ADCY9: variants seen among roughly 807,000 people sequenced by gnomAD.
ADCY9 encodes adenylate cyclase 9, also known as adenylate cyclase type 9.
A neutral mutation model predicts 101.5 loss-of-function variants in ADCY9; 50 were observed. The ratio of observed to expected loss-of-function variants is 0.49; its 90% CI spans 0.39 to 0.62. ADCY9 has a LOEUF of 0.62. Ranked by LOEUF, ADCY9 falls within the 20% of genes least tolerant of loss-of-function variation. The probability of loss-of-function intolerance (pLI) is 0.00; values close to 1 mark genes in which losing one functional copy is unlikely to be tolerated. For missense variants in ADCY9, 1,662 were observed against 1,800.4 expected (o/e 0.92, Z 1.39); for synonymous variants, 905 against 769.3 (o/e 1.18, Z -2.92).
intron 6 of ADCY9, among the ~76,000 whole-genome samples, chr16:3,984,515 G>A (rs2056173964): frequency 1.3e-5 from 2 of 152,180 alleles, no homozygotes; most frequent in Admixed American, 6.5e-5. Context: ...GCACCCCACA[G>A]GCAGGAACTA....
intron 6 of ADCY9, among the ~76,000 whole-genome samples, chr16:3,985,938 C>T (rs747761227): frequency 2.0e-5 from 3 of 149,508 alleles, no homozygotes; most frequent in Non-Finnish European, 1.5e-5. Context: ...CTGAGAACGA[C>T]GCTCCCCCAC....
At chr16:4,057,045 C>T (rs924216331) in intron 2 of ADCY9, among the ~76,000 whole-genome samples, 2 of 130,802 alleles carry the variant, frequency 1.5e-5, no homozygotes, top group Admixed American at 7.6e-5. Flanking sequence ...ACCGCCCCCC[C>T]CCCCCCCGCC....
At chr16:4,029,756 A>G (rs1309216287) in intron 2 of ADCY9, among the ~76,000 whole-genome samples, 1 of 151,988 alleles carries the variant, frequency 6.6e-6, no homozygotes, top group Non-Finnish European at 1.5e-5. Context: ...AGACAATACA[A>G]AACAAAACAA....
rs182875443 is a variant in ADCY9, at chr16:3,973,932, G to A, written c.2870+737C>T. On this transcript the variant is annotated intron_variant, in intron 10 of 10. Coordinates refer to ENST00000294016, the MANE Select transcript of ADCY9 (RefSeq NM_001116.4). Reference sequence around the variant, plus strand: ...AAACTATTGAATTTTACTTTTTCTAGATTTTATATAGTTTAATTTTTATTT... The same window carrying A: ...AAACTATTGAATTTTACTTTTTCTAAATTTTATATAGTTTAATTTTTATTT... Among the ~76,000 whole-genome samples the A allele has an allele frequency of 1.5e-3, 228 of 152,230 alleles. 2 individuals are homozygous for A. The highest frequency in any genetic ancestry group is 5.4e-3 in the African/African-American group (224 of 41,522).
chr16:4,087,562 AAG>A (rs1423160245), intron 2 of ADCY9, among the ~76,000 whole-genome samples: 1 of 146,430 alleles, frequency 6.8e-6, no homozygotes, highest in Non-Finnish European at 1.5e-5. Flanking sequence ...AAAAAAAAAA[AAG>A]AAGAACAACA....
At position 4,114,026 on chromosome 16, in the gene ADCY9, T is replaced by A. The variant is rs1422823034; in HGVS notation, c.1417A>T (p.Ile473Phe). 1 of 1,613,782 alleles carries A rather than the reference T, an allele frequency of 6.2e-7. No homozygotes were observed. Among genetic ancestry groups the A allele is most frequent in the Non-Finnish European group, 8.5e-7 (1 of 1,180,054 alleles). ...TTCTTCTCCTGGCAGAACTGCTCGATGGCCTTGATCATGCCCAGGCCCATC... is the reference window on the plus strand; with the variant it reads ...TTCTTCTCCTGGCAGAACTGCTCGAAGGCCTTGATCATGCCCAGGCCCATC... ...IEMGLGMIKA[I>F]EQFCQEKKEM... is the part of the protein sequence containing the mutation. The change falls in exon 2 of 11, where the codon ATC becomes TTC. Residue 473 changes from isoleucine (I) to phenylalanine (F), a missense_variant. Transcript: ENST00000294016. This position sits in a 1 kb window ranked among gnomAD's most constrained non-coding sequence, Gnocchi z 4.3.
At chr16:4,089,415 G>A (rs967645213) in intron 2 of ADCY9, among the ~76,000 whole-genome samples, 2 of 152,048 alleles carry the variant, frequency 1.3e-5, no homozygotes, top group East Asian at 1.9e-4. Context: ...TGAATCGTAT[G>A]CTATCCTACA....
At chr16:4,099,442 T>C (rs1343295623) in intron 2 of ADCY9, among the ~76,000 whole-genome samples, 1 of 152,206 alleles carries the variant, frequency 6.6e-6, no homozygotes, top group East Asian at 1.9e-4. Context: ...CATTTTCTTT[T>C]CAAAAAAGAT....
intron 2 of ADCY9, among the ~76,000 whole-genome samples, chr16:4,042,115 G>C (rs1178293782): frequency 6.6e-6 from 1 of 151,800 alleles, no homozygotes; most frequent in East Asian, 1.9e-4. Context: ...GCAGAGACGG[G>C]GGTTTCACCA....
At chr16:4,004,251 T>TAA (rs71133681) in intron 3 of ADCY9, among the ~76,000 whole-genome samples, 9,604 of 107,588 alleles carry the variant, frequency 0.089, 526 homozygotes, top group East Asian at 0.15. Context: ...CCCATCTCTT[T>TAA]AAAAAAAAAA....
At chr16:3,979,696 T>C (rs1187056601) in intron 7 of ADCY9, among the ~76,000 whole-genome samples, 1 of 152,132 alleles carries the variant, frequency 6.6e-6, no homozygotes, top group Non-Finnish European at 1.5e-5. Context: ...GCCCGTGCAG[T>C]TGTCGCAGCA....
At chr16:3,989,632 G>A (rs531840677) in intron 5 of ADCY9, among the ~76,000 whole-genome samples, 3 of 152,140 alleles carry the variant, frequency 2.0e-5, no homozygotes, top group Non-Finnish European at 4.4e-5. Context: ...CACCCATCTC[G>A]GCCTCCCAAA....
intron 2 of ADCY9, among the ~76,000 whole-genome samples, chr16:4,075,966 T>G (rs954682087): frequency 2.0e-5 from 3 of 152,128 alleles, no homozygotes; most frequent in East Asian, 3.8e-4. Context: ...TGTTATTTCT[T>G]TAAGTGACAG....
chr16:4,017,958 C>A (rs867682337), intron 2 of ADCY9, among the ~76,000 whole-genome samples: 30 of 152,226 alleles, frequency 2.0e-4, no homozygotes, highest in Admixed American at 5.9e-4. Context: ...CCCAGCCACA[C>A]CCGCACGCCA....
chr16:3,966,102 G>A lies in ADCY9; in HGVS notation c.3735C>T (p.Cys1245=), dbSNP rs2055991311. The stretch of plus-strand genomic sequence containing the variant: ...GCTGTGGGATGACCCTGTGATCCGT[G>A]CACTTTGGGTACAGGTAGGTCTTCA... The part of the protein sequence containing the change: ...GQMKTYLYPK[C]TDHRVIPQHQ... Residue 1245 remains cysteine, a synonymous_variant, in exon 11 of 11, where the codon TGC becomes TGT. Transcript: ENST00000294016. The A allele has an allele frequency of 6.2e-7, 1 of 1,614,222 alleles. No homozygotes were observed. The highest frequency in any genetic ancestry group is 8.5e-7 in the Non-Finnish European group (1 of 1,180,052).
intron 2 of ADCY9, among the ~76,000 whole-genome samples, chr16:4,067,443 T>C (rs904580757): frequency 1.2e-4 from 18 of 152,162 alleles, no homozygotes; most frequent in Non-Finnish European, 2.4e-4. Flanking sequence ...TCTGGCAGCA[T>C]TAGACACACC....
intron 2 of ADCY9, among the ~76,000 whole-genome samples, chr16:4,068,161 G>A (rs1027877011): frequency 6.6e-6 from 1 of 152,146 alleles, no homozygotes; most frequent in East Asian, 1.9e-4. Flanking sequence ...TATCCCACCT[G>A]CACCCCTTTA....
At chr16:4,089,682 G>A (rs540007445) in intron 2 of ADCY9, among the ~76,000 whole-genome samples, 9 of 152,040 alleles carry the variant, frequency 5.9e-5, no homozygotes, top group African/African-American at 1.9e-4. Context: ...ACCATTTCAC[G>A]TTCTCACCAG....
chr16:4,043,920 C>A (rs549614970), intron 2 of ADCY9, among the ~76,000 whole-genome samples: 3 of 152,222 alleles, frequency 2.0e-5, no homozygotes, highest in African/African-American at 7.2e-5. Context: ...CACTTAAGTG[C>A]CACAGACCTC....
Sources: allele counts gnomAD v4.1 joint callset (sites outside exome capture counted in the v4.1 genomes callset), GRCh38; gene constraint gnomAD v4.1.1; non-coding constraint Gnocchi (gnomAD v3.1); transcripts MANE v1.5; gene names NCBI Gene and HGNC (gene_info 2026-07-23, HGNC 2026-07-21).